The following KLF5 variants were observed in gnomAD, a reference collection of about 807,000 sequenced individuals.
KLF5 encodes the protein Krueppel-like factor 5.
Under a neutral mutation model 36.9 loss-of-function variants are expected in KLF5, and 9 were observed. The observed-to-expected ratio is 0.24, with a 90% CI of 0.15 to 0.43. The LOEUF (loss-of-function observed/expected upper bound fraction) is 0.43, where lower values mean the gene tolerates loss of function less well. Among genes scored for constraint, KLF5 ranks in the 20% least tolerant of loss-of-function variants. The pLI is 1.00. For synonymous variants in KLF5, 246 were observed against 241.7 expected (o/e 1.02, Z -0.17); for missense variants, 524 against 599.5 (o/e 0.87, Z 1.31).
At chr13:73,067,064 T>C (rs1391779947) in intron 3 of KLF5, among the ~76,000 whole-genome samples, 1 of 152,226 alleles carries the variant, frequency 6.6e-6, no homozygotes, top group African/African-American at 2.4e-5. Flanking sequence ...TAATTATGGC[T>C]GCTTCTAGGT....
At position 73,062,034 on chromosome 13, in the gene KLF5, C is replaced by T. The variant is rs1566563445; in HGVS notation, c.435C>T (p.His145=). The T allele has an allele frequency of 2.5e-6, 4 of 1,614,120 alleles. No individual in the cohort carries two copies. The highest frequency in any genetic ancestry group is 3.4e-6 in the Non-Finnish European group (4 of 1,180,018). The change falls in exon 2 of 4, where the codon CAC becomes CAT. Residue 145 remains histidine, a synonymous_variant. Transcript: ENST00000377687. ...ACGTCTTCCTCCCTGACATCACTCACCTGAGAACTGGCCTCTACAAATCCC... is the reference window on the plus strand; with the variant it reads ...ACGTCTTCCTCCCTGACATCACTCATCTGAGAACTGGCCTCTACAAATCCC... The part of the protein sequence containing the change: ...NMNVFLPDIT[H]LRTGLYKSQR...
intron 1 of KLF5, chr13:73,059,942 C>G (rs960146019): frequency 3.5e-6 from 1 of 282,668 alleles, no homozygotes; most frequent in East Asian, 1.7e-4. Context: ...TAAATTACGC[C>G]TTCGCCTGTA....
In KLF5 at chr13:73,061,962, C is replaced by T; in HGVS notation, c.363C>T (p.Asp121=). ...GACGAGACAGTGCCTCAGTCGTAGA[C>T]CAGTTCTTCACTGACACTGAAGGGT... The part of the protein sequence containing the change: ...KYRRDSASVV[D]QFFTDTEGLP... The change falls in exon 2 of 4, where the codon GAC becomes GAT. Residue 121 remains aspartate, a synonymous_variant. Transcript: ENST00000377687. The T allele has an allele frequency of 6.2e-7, 1 of 1,614,122 alleles. No homozygotes were observed. Among genetic ancestry groups the T allele is most frequent in the Non-Finnish European group, 8.5e-7 (1 of 1,179,998 alleles).
At position 73,062,520 on chromosome 13, in the gene KLF5, A is replaced by G; in HGVS notation, c.921A>G (p.Ser307=). 2 of 1,614,214 alleles carry G rather than the reference A, an allele frequency of 1.2e-6. No individual in the cohort carries two copies. The highest frequency in any genetic ancestry group is 1.7e-6 in the Non-Finnish European group (2 of 1,180,028). ...ATYFPPSPPS[S]EPGSPDRQAE... ...ACTTTCCCCCGTCACCACCAAGCTCAGAGCCTGGAAGTCCAGATAGACAAG... is the reference window on the plus strand; with the variant it reads ...ACTTTCCCCCGTCACCACCAAGCTCGGAGCCTGGAAGTCCAGATAGACAAG... Residue 307 remains serine (S), a synonymous_variant, in exon 2 of 4, where the codon TCA becomes TCG. Transcript: ENST00000377687.
Position 73,062,404 on chromosome 13 carries a change from G to A in KLF5, c.805G>A (p.Ala269Thr). The A allele has an allele frequency of 6.2e-7, 1 of 1,614,186 alleles. No homozygotes were observed. Among genetic ancestry groups the A allele is most frequent in the Non-Finnish European group, 8.5e-7 (1 of 1,180,042 alleles). ...GGCAGGCCTTAACACACACACCTCT[G>A]CTGTTCCGCAGACTGCAGTGAAACA... ...AMAGLNTHTS[A>T]VPQTAVKQFQ... The change falls in exon 2 of 4, where the codon GCT (alanine) becomes ACT (threonine). Residue 269 changes from alanine to threonine, a missense_variant. Physicochemically the swap from Ala to Thr is moderately conservative, Grantham distance 58. This residue lies in a region of KLF5 where 454 missense variants were observed against 458.1 expected (regional missense o/e 0.99). Transcript: ENST00000377687.
At chr13:73,065,401 T>A (rs1490195864) in intron 3 of KLF5, among the ~76,000 whole-genome samples, 1 of 152,202 alleles carries the variant, frequency 6.6e-6, no homozygotes, top group East Asian at 1.9e-4. Context: ...ATGACAATGT[T>A]GTAGATTCCA....
chr13:73,056,054 A>G (rs2044581330), upstream of KLF5, among the ~76,000 whole-genome samples: 1 of 151,934 alleles, frequency 6.6e-6, no homozygotes, highest in Non-Finnish European at 1.5e-5. Flanking sequence ...TTCAGAAGCT[A>G]TTTATCTATT....
At chr13:73,061,825 A>G in intron 1 of KLF5, 36 bp from the exon 2 acceptor site, 1 of 1,584,220 alleles carries the variant, frequency 6.3e-7, no homozygotes, top group East Asian at 2.2e-5. Flanking sequence ...ATGGTGAATC[A>G]GGTGGATTAT....
upstream of KLF5, chr13:73,055,168 T>C (rs2044576413): frequency 6.6e-6 from 1 of 152,118 alleles, no homozygotes; most frequent in Admixed American, 6.6e-5. Context: ...GGTAAAACTC[T>C]CCTGTTTTTT....
Position 73,059,232 on chromosome 13 carries a change from G to C in KLF5, c.-96G>C, listed in dbSNP as rs1201923822. On this transcript the variant is annotated 5_prime_UTR_variant, in exon 1 of 4. Coordinates refer to ENST00000377687, the MANE Select transcript of KLF5 (RefSeq NM_001730.5). ...GTCCACCCGAAACCTCCCCTCCTCC[G>C]CCGGCAGCCCCGCGCTGAGCTCGCC... 2.5e-6 allele frequency: 3 copies of C among 1,193,552 alleles called. No individual in the cohort carries two copies. The highest frequency in any genetic ancestry group is 3.2e-6 in the Non-Finnish European group (3 of 944,796). 73.9% of individuals were successfully genotyped at this position (1,193,552 alleles called of 1,614,324 possible). A position where few individuals can be genotyped will look rare whatever the true frequency, so the allele number is the denominator to read the frequency against.
intron 3 of KLF5, among the ~76,000 whole-genome samples, chr13:73,068,636 G>A (rs1158669161): frequency 5.3e-5 from 8 of 150,516 alleles, no homozygotes; most frequent in Non-Finnish European, 7.4e-5. Flanking sequence ...CCCACGAGGC[G>A]GAGGTTGCAG....
chr13:73,071,022 A>G lies in KLF5; in HGVS notation c.1196-4686A>G, dbSNP rs143911162. On this transcript the variant is annotated intron_variant, in intron 3 of 3. Coordinates refer to ENST00000377687, the MANE Select transcript of KLF5 (RefSeq NM_001730.5). ...AATAACTGAGTTGTTTTCAAGATGC[A>G]TTAGGGAAAGTGTGGCATTACAGCA... Among the ~76,000 whole-genome samples the G allele has an allele frequency of 1.8e-3, 274 of 152,324 alleles. 2 individuals carry two copies. The highest frequency in any genetic ancestry group is 4.9e-3 in the Admixed American group (75 of 15,290).
At chr13:73,066,241 A>G (rs1319002468) in intron 3 of KLF5, among the ~76,000 whole-genome samples, 1 of 151,584 alleles carries the variant, frequency 6.6e-6, no homozygotes, top group African/African-American at 2.4e-5. Context: ...GCCTTTTAAA[A>G]TTACCTGTTC....
Position 73,059,450 on chromosome 13 carries a change from C to A in KLF5, c.123C>A (p.Arg41=). 7.8e-7 allele frequency: 1 copy of A among 1,281,246 alleles called. No individual in the cohort carries two copies. Among genetic ancestry groups the A allele is most frequent in the Non-Finnish European group, 9.9e-7 (1 of 1,014,542 alleles). 79.4% of individuals were successfully genotyped at this position (1,281,246 alleles called of 1,614,324 possible). The change falls in exon 1 of 4, where the codon CGC becomes CGA. Residue 41 remains arginine (R), a synonymous_variant. Transcript: ENST00000377687. ...TGCTGGGCGCCGCGAATCCGGCCCG[C>A]GACGCGGCGCTCTTCCCCGGCGAGG... ...KPVLGAANPA[R]DAALFPGEEL... is the part of the protein sequence containing the mutation.
chr13:73,058,990 G>C, upstream of KLF5: 1 of 202,144 alleles, frequency 4.9e-6, no homozygotes, highest in Admixed American at 6.0e-5. Flanking sequence ...ATAGAGGCGG[G>C]CGTCAAGTGT....
intron 1 of KLF5, among the ~76,000 whole-genome samples, chr13:73,061,224 A>G (rs534370726): frequency 1.3e-5 from 2 of 152,344 alleles, no homozygotes; most frequent in African/African-American, 2.4e-5. Context: ...ATTTAGATCA[A>G]ATATTGAATG....
chr13:73,058,804 C>A (rs1177776693), upstream of KLF5: 1 of 152,562 alleles, frequency 6.6e-6, no homozygotes, highest in African/African-American at 2.4e-5. Context: ...GGCCGCCCTG[C>A]GCGCGAAGCT....
rs568658280 is a variant in KLF5 at position 73,059,326 on chromosome 13, C to T, written c.-2C>T. ...CGCCTGGAGCTGCGCCCCCGAGTGC[C>T]CATGGCTACAAGGGTGCTGAGCATG... On this transcript the variant is annotated 5_prime_UTR_variant, in exon 1 of 4. Coordinates refer to ENST00000377687, the MANE Select transcript of KLF5 (RefSeq NM_001730.5). 1.4e-6 allele frequency: 2 copies of T among 1,391,884 alleles called. No homozygotes were observed. The highest frequency in any genetic ancestry group is 6.2e-5 in the Admixed American group (2 of 32,188). The allele number at this position is 1,391,884 out of a possible 1,614,324, so 86.2% of individuals were successfully genotyped here. A position where few individuals can be genotyped will look rare whatever the true frequency, so the allele number is the denominator to read the frequency against.
At chr13:73,065,015 G>A (rs1209350108) in intron 3 of KLF5, among the ~76,000 whole-genome samples, 1 of 152,156 alleles carries the variant, frequency 6.6e-6, no homozygotes, top group Admixed American at 6.5e-5. Context: ...CTTATATAAA[G>A]TGATTGTGTT....
Sources: allele counts gnomAD v4.1 joint callset (sites outside exome capture counted in the v4.1 genomes callset), GRCh38; gene constraint gnomAD v4.1.1; regional missense constraint gnomAD v4.1.1; transcripts MANE v1.5; gene names NCBI Gene and HGNC (gene_info 2026-07-23, HGNC 2026-07-21).